The following COBLL1 variants were observed in gnomAD, a reference collection of about 807,000 sequenced individuals.
The protein encoded by COBLL1 is cordon-bleu WH2 repeat protein like 1, also known as cordon-bleu protein-like 1.
A neutral mutation model predicts 94.8 loss-of-function variants in COBLL1; 50 were observed. The observed-to-expected ratio is 0.53, with a 90% CI of 0.42 to 0.67. The LOEUF (loss-of-function observed/expected upper bound fraction) is 0.67, where lower values mean the gene tolerates loss of function less well. Among genes scored for constraint, COBLL1 ranks in the 30% least tolerant of loss-of-function variants. COBLL1 has a pLI of 0.00. For missense variants in COBLL1, 1,362 were observed against 1,348.7 expected, an observed-to-expected ratio of 1.01 and a Z score of -0.15; for synonymous variants, 448 against 473.8, an observed-to-expected ratio of 0.95 and a Z score of 0.71.
intron 3 of COBLL1, 25 bp from the exon 4 acceptor site, chr2:164,730,140 C>T (rs1011244667): frequency 1.3e-6 from 2 of 1,572,634 alleles, no homozygotes; most frequent in African/African-American, 1.3e-5. Flanking sequence ...TATTTCATTA[C>T]CCGTTATTGT....
downstream of COBLL1, among the ~76,000 whole-genome samples, chr2:164,676,337 A>T (rs1487667600): frequency 6.6e-6 from 1 of 152,138 alleles, no homozygotes; most frequent in African/African-American, 2.4e-5. Flanking sequence ...AGCTATAAAA[A>T]ATATAATTGA....
chr2:164,801,364 G>A (rs973332078), intron 2 of COBLL1, among the ~76,000 whole-genome samples: 9 of 142,802 alleles, frequency 6.3e-5, no homozygotes, highest in Non-Finnish European at 1.1e-4. Flanking sequence ...GCGTGAACCC[G>A]GGAGGCGGAG....
chr2:164,826,296 T>C (rs1205811715), intron 2 of COBLL1, among the ~76,000 whole-genome samples: 1 of 152,166 alleles, frequency 6.6e-6, no homozygotes, highest in Non-Finnish European at 1.5e-5. Context: ...CAAGAACAAG[T>C]TCCCTGCATC....
At chr2:164,687,365 C>T (rs945812420) in intron 13 of COBLL1, 2 of 742,336 alleles carry the variant, frequency 2.7e-6, no homozygotes, top group Non-Finnish European at 4.8e-6. Context: ...AGCCACTTCT[C>T]AGCCACCATG....
intron 1 of COBLL1, among the ~76,000 whole-genome samples, chr2:164,669,338 T>G (rs1007526364): frequency 2.0e-5 from 3 of 152,228 alleles, no homozygotes; most frequent in African/African-American, 7.2e-5. Context: ...CTCAGCCTTT[T>G]GGATGAGATC....
At chr2:164,701,071 T>TA (rs1684228900) in intron 9 of COBLL1, among the ~76,000 whole-genome samples, 1 of 152,234 alleles carries the variant, frequency 6.6e-6, no homozygotes, top group Non-Finnish European at 1.5e-5. Context: ...GAATGGTTTT[T>TA]ACACTCATCC....
intron 2 of COBLL1, among the ~76,000 whole-genome samples, chr2:164,660,540 T>C (rs1198444993): frequency 6.6e-6 from 1 of 152,136 alleles, no homozygotes; most frequent in Non-Finnish European, 1.5e-5. Flanking sequence ...CATTGAGGCC[T>C]CAGCTGAAAA....
chr2:164,811,006 C>T (rs1684431984), intron 2 of COBLL1, among the ~76,000 whole-genome samples: 1 of 151,660 alleles, frequency 6.6e-6, no homozygotes, highest in South Asian at 2.1e-4. Context: ...TGAAAGAAAG[C>T]CCCAGGAACA....
Position 164,812,124 on chromosome 2 carries a change from C to T in COBLL1, c.41+29032G>A, listed in dbSNP as rs190850193. On this transcript the variant is annotated intron_variant, in intron 2 of 13. Coordinates refer to ENST00000652658, the MANE Select transcript of COBLL1 (RefSeq NM_001365672.2). ...AGCTGAAGATATTTTAAGACTTATG[C>T]TATTTTCATCAACATCTAGAAACAC... Among the ~76,000 whole-genome samples, 67 of 152,004 alleles carry T rather than the reference C, an allele frequency of 4.4e-4. 2 individuals carry two copies. The East Asian group carries it at 0.012, about 26-fold the overall frequency.
intron 2 of COBLL1, among the ~76,000 whole-genome samples, chr2:164,788,197 G>A (rs1266176695): frequency 3.3e-5 from 5 of 152,098 alleles, no homozygotes; most frequent in South Asian, 2.1e-4. Flanking sequence ...ACATTACTCC[G>A]GCCATGGCAA....
Position 164,742,709 on chromosome 2 carries a change from T to G in COBLL1, c.230+978A>C, listed in dbSNP as rs550200370. On this transcript the variant is annotated intron_variant, in intron 3 of 13. Transcript: ENST00000652658. ...CTGAACTATTTTGTTTTCATCTACTTTAAATAATCTGTAAAGTTACACATG... is the reference window on the plus strand; with the variant it reads ...CTGAACTATTTTGTTTTCATCTACTGTAAATAATCTGTAAAGTTACACATG... 2.8e-4 allele frequency among the ~76,000 whole-genome samples: 43 copies of G among 152,308 alleles called. No individual in the cohort carries two copies. The South Asian group carries it at 8.9e-3, about 32-fold the overall frequency.
chr2:164,688,218 A>G (rs1683407969), intron 13 of COBLL1, among the ~76,000 whole-genome samples: 1 of 152,218 alleles, frequency 6.6e-6, no homozygotes, highest in African/African-American at 2.4e-5. Context: ...TTATTTTTGA[A>G]GAGAAATGAC....
At chr2:164,841,974 C>T, upstream of COBLL1, 1 of 1,539,624 alleles carries the variant, frequency 6.5e-7, no homozygotes. This position sits in a 1 kb window ranked among gnomAD's most constrained non-coding sequence, Gnocchi z 5.5. Context: ...CATTTCCCTG[C>T]CCGGAGTCCG....
chr2:164,679,963 T>C (rs1682964890), downstream of COBLL1, among the ~76,000 whole-genome samples: 1 of 151,484 alleles, frequency 6.6e-6, no homozygotes, highest in Non-Finnish European at 1.5e-5. Flanking sequence ...ATAATAATAA[T>C]ACTGTGCTCC....
rs139383718 is a variant in COBLL1, at chr2:164,765,988, G to A, written c.42-22113C>T. Among the ~76,000 whole-genome samples, 515 of 152,174 alleles carry A rather than the reference G, an allele frequency of 3.4e-3. 1 individual carries two copies. The highest frequency in any genetic ancestry group is 0.012 in the African/African-American group (499 of 41,480). ...CCTCCAGCCTCAGGCACCCATTACA[G>A]TGTTTTCTGTCTCTCTATATTTGCT... is the stretch of plus-strand genomic sequence containing the variant. On this transcript the variant is annotated intron_variant, in intron 2 of 13. Transcript: ENST00000652658.
chr2:164,698,666 A>G (rs944236209), intron 11 of COBLL1, among the ~76,000 whole-genome samples: 1 of 151,890 alleles, frequency 6.6e-6, no homozygotes, highest in African/African-American at 2.4e-5. Context: ...AGGTGCCATG[A>G]GTAGTGCAAA....
intron 2 of COBLL1, among the ~76,000 whole-genome samples, chr2:164,821,828 C>T (rs1204003968): frequency 6.6e-6 from 1 of 152,098 alleles, no homozygotes. Context: ...AGTTACAAAA[C>T]TACTTTATTT....
intron 13 of COBLL1, among the ~76,000 whole-genome samples, chr2:164,690,407 T>G (rs140952492): frequency 6.6e-6 from 1 of 152,148 alleles, no homozygotes; most frequent in Non-Finnish European, 1.5e-5. Flanking sequence ...AGGAAACAAT[T>G]ATAGGATAAT....
At chr2:164,738,761 G>C (rs949913940) in intron 3 of COBLL1, among the ~76,000 whole-genome samples, 1 of 151,972 alleles carries the variant, frequency 6.6e-6, no homozygotes, top group Non-Finnish European at 1.5e-5. Context: ...TACACGAGTT[G>C]AGCATCTCTA....
Sources: gnomAD v4.1 joint callset for allele counts (sites outside exome capture counted in the v4.1 genomes callset) on GRCh38, gnomAD v4.1.1 for gene constraint, Gnocchi (gnomAD v3.1) non-coding constraint, MANE v1.5 for transcripts, NCBI Gene and HGNC (gene_info 2026-07-23, HGNC 2026-07-21) for gene names.